RRM2: variants seen among roughly 807,000 people sequenced by gnomAD.
The protein encoded by RRM2 is ribonucleoside-diphosphate reductase subunit M2.
RRM2 carries 6 observed loss-of-function variants against 45.9 expected under a neutral mutation model. The observed-to-expected ratio is 0.13, with a 90% CI of 0.07 to 0.26. The LOEUF (loss-of-function observed/expected upper bound fraction) is 0.26. RRM2 is among the 10% of genes least tolerant of loss of function. The pLI, the probability that RRM2 is intolerant of heterozygous loss-of-function variation, is 1.00. For missense variants in RRM2, 343 were observed against 489.5 expected (o/e 0.70, Z 2.82); for synonymous variants, 177 against 173.0 (o/e 1.02, Z -0.18).
intron 7 of RRM2, among the ~76,000 whole-genome samples, chr2:10,128,150 C>G (rs1015653639): frequency 6.6e-6 from 1 of 151,946 alleles, no homozygotes; most frequent in Admixed American, 6.6e-5. Flanking sequence ...GGGTGACAGT[C>G]CCCCCGAAAA....
upstream of RRM2, among the ~76,000 whole-genome samples, chr2:10,139,780 C>G (rs570531925): frequency 2.8e-4 from 43 of 152,314 alleles, no homozygotes; most frequent in African/African-American, 9.6e-4. Flanking sequence ...GTCTGTTGGG[C>G]CTTCCTTTGC....
chr2:10,197,266 G>T (rs940714425), intron 3 of RRM2, among the ~76,000 whole-genome samples: 1 of 152,220 alleles, frequency 6.6e-6, no homozygotes, highest in South Asian at 2.1e-4. Context: ...GAAGGGTAAC[G>T]CGAGCGCCTA....
chr2:10,158,410 C>T (rs2024397), intron 3 of RRM2, among the ~76,000 whole-genome samples: 1 of 152,136 alleles, frequency 6.6e-6, no homozygotes, highest in Non-Finnish European at 1.5e-5. Flanking sequence ...CTGCACAACT[C>T]CTGCCACCCC....
intron 3 of RRM2, among the ~76,000 whole-genome samples, chr2:10,208,011 C>A (rs957601346): frequency 1.7e-4 from 26 of 152,074 alleles, no homozygotes; most frequent in African/African-American, 6.0e-4. Context: ...CTAGAATAAG[C>A]AGATTCACTT....
rs569564218 is a variant in RRM2, at chr2:10,187,012, G to A, written n.483-23299G>A. Among the ~76,000 whole-genome samples the A allele has an allele frequency of 6.6e-5, 10 of 152,362 alleles. No homozygotes were observed. The South Asian group carries it at 1.4e-3, about 22-fold the overall frequency. On this transcript the variant is annotated intron_variant and non_coding_transcript_variant, in intron 3 of 3. Coordinates refer to the RRM2 transcript ENST00000381786. ...AGGGGGGCTCAGAGGAGGTGCGTGC[G>A]GGGCTGGTGCCGGTGCCCCCGAGGC...
chr2:10,184,601 C>T (rs898423504), intron 3 of RRM2, among the ~76,000 whole-genome samples: 3 of 152,252 alleles, frequency 2.0e-5, no homozygotes, highest in African/African-American at 7.2e-5. Context: ...ACCCGCCTGG[C>T]ATGGGGCTGA....
At chr2:10,180,042 C>T (rs1241247396) in intron 3 of RRM2, among the ~76,000 whole-genome samples, 1 of 152,148 alleles carries the variant, frequency 6.6e-6, no homozygotes, top group Non-Finnish European at 1.5e-5. Flanking sequence ...GATGATGGAG[C>T]CCTCATGCTG....
intron 3 of RRM2, among the ~76,000 whole-genome samples, chr2:10,189,425 C>T (rs1664238930): frequency 6.6e-6 from 1 of 152,248 alleles, no homozygotes. Context: ...CCACACAGGG[C>T]AGGAGGAGCA....
chr2:10,175,506 T>A (rs62129923), intron 3 of RRM2, among the ~76,000 whole-genome samples: 16,338 of 152,162 alleles, frequency 0.11, 1,147 homozygotes, highest in Middle Eastern at 0.15. Context: ...AAAACTAAAC[T>A]CCATACTCAT....
intron 3 of RRM2, among the ~76,000 whole-genome samples, chr2:10,175,717 C>T (rs1163042721): frequency 1.3e-5 from 2 of 152,178 alleles, no homozygotes; most frequent in Admixed American, 1.3e-4. Context: ...CCCCATCAGC[C>T]CTCTGAGTAG....
intron 5 of RRM2, 103 bp downstream of exon 5, chr2:10,124,953 A>G (rs1004012459): frequency 3.6e-6 from 4 of 1,121,304 alleles, no homozygotes; most frequent in Non-Finnish European, 5.1e-6. Context: ...CAGAATGACT[A>G]AGACAGTCAT....
chr2:10,132,116 C>G (rs1662913969), downstream of RRM2, among the ~76,000 whole-genome samples: 1 of 152,166 alleles, frequency 6.6e-6, no homozygotes, highest in East Asian at 1.9e-4. Flanking sequence ...TTTGATAAAG[C>G]CTTTTAGAAT....
In RRM2 at chr2:10,126,162, TAAAAAAAAAAAAAAAA is replaced by T. The variant is rs532815964; in HGVS notation, c.570-698_570-683del. On this transcript the variant is annotated intron_variant, in intron 5 of 9. Transcript: ENST00000304567. ...CAACAGAGTGAGACCCTCATCTCTT[TAAAAAAAAAAAAAAAA>T]AAAAAAAAAAAAAAGCTGCCCAATG... 3.4e-5 allele frequency among the ~76,000 whole-genome samples: 3 copies of T among 89,338 alleles called. 1 individual carries two copies. The highest frequency in any genetic ancestry group is 2.9e-4 in the Admixed American group (2 of 6,782). The allele number at this position is 89,338 out of a possible 152,430, so 58.6% of individuals were successfully genotyped here.
intron 3 of RRM2, among the ~76,000 whole-genome samples, chr2:10,202,828 G>A (rs1572536706): frequency 6.6e-6 from 1 of 151,746 alleles, no homozygotes; most frequent in East Asian, 1.9e-4. Context: ...CTGTGACTGA[G>A]CTCAAGCGAT....
Position 10,124,753 on chromosome 2 carries a change from G to A in RRM2, c.472G>A (p.Ala158Thr). ...RFSQEVQITE[A>T]RCFYGFQIAM... is the part of the protein sequence containing the mutation. ...TAGCCAAGAAGTTCAGATTACAGAA[G>A]CCCGCTGTTTCTATGGCTTCCAAAT... is the stretch of plus-strand genomic sequence containing the variant. Residue 158 changes from alanine to threonine, a missense_variant, in exon 5 of 10, where the codon GCC (alanine) becomes ACC (threonine). Coordinates refer to ENST00000304567, the MANE Select transcript of RRM2 (RefSeq NM_001034.4). 1 of 1,612,072 alleles carries A rather than the reference G, an allele frequency of 6.2e-7. No individual in the cohort carries two copies. The highest frequency in any genetic ancestry group is 8.5e-7 in the Non-Finnish European group (1 of 1,179,764).
Position 10,171,054 on chromosome 2 carries a change from C to T in RRM2, n.482+28679C>T, listed in dbSNP as rs1663794282. ...ACGTGGGCATCTAGATGACCCTCCA[C>T]ACTGAGCAGACCCAGCACAGGCTGC... On this transcript the variant is annotated intron_variant and non_coding_transcript_variant, in intron 3 of 3. Coordinates refer to the RRM2 transcript ENST00000381786. This position sits in a 1 kb window ranked among gnomAD's most constrained non-coding sequence, Gnocchi z 4.1. Among the ~76,000 whole-genome samples the T allele has an allele frequency of 6.6e-6, 1 of 152,224 alleles. No homozygotes were observed. The highest frequency in any genetic ancestry group is 6.5e-5 in the Admixed American group (1 of 15,290).
chr2:10,200,522 CTG>C (rs1271877300), intron 3 of RRM2, among the ~76,000 whole-genome samples: 191 of 10,310 alleles, frequency 0.019, 35 homozygotes, highest in Middle Eastern at 0.056. Flanking sequence ...CCCACAGGGA[CTG>C]CGCGCACAAA....
chr2:10,128,156 G>A (rs1330043100), intron 7 of RRM2, among the ~76,000 whole-genome samples: 2 of 152,000 alleles, frequency 1.3e-5, no homozygotes, highest in African/African-American at 2.4e-5. Flanking sequence ...CAGTCCCCCC[G>A]AAAAAGAATG....
At chr2:10,157,997 G>A (rs1663469765) in intron 3 of RRM2, among the ~76,000 whole-genome samples, 1 of 152,174 alleles carries the variant, frequency 6.6e-6, no homozygotes, top group Admixed American at 6.5e-5. Flanking sequence ...TGAATGAGAG[G>A]AGGGGTAAGT....
Sources: allele counts gnomAD v4.1 joint callset (sites outside exome capture counted in the v4.1 genomes callset), GRCh38; gene constraint gnomAD v4.1.1; non-coding constraint Gnocchi (gnomAD v3.1); transcripts MANE v1.5; gene names NCBI Gene and HGNC (gene_info 2026-07-23, HGNC 2026-07-21).